The following LYPD6B variants were observed in gnomAD, a reference collection of about 807,000 sequenced individuals.
LYPD6B encodes LY6/PLAUR domain containing 6B.
In LYPD6B, 17 loss-of-function variants were observed where a neutral mutation model predicts 22.8. The ratio of observed to expected loss-of-function variants is 0.75; its 90% confidence interval spans 0.51 to 1.12. The LOEUF (loss-of-function observed/expected upper bound fraction) is 1.12, where lower values mean the gene tolerates loss of function less well. Among genes scored for constraint, LYPD6B ranks in the 50% most tolerant of loss-of-function variants. LYPD6B has a pLI of 0.00. For missense variants in LYPD6B, 221 were observed against 258.3 expected, an observed-to-expected ratio of 0.86 and a Z score of 0.99; for synonymous variants, 106 against 91.6, an observed-to-expected ratio of 1.16 and a Z score of -0.90.
At chr2:149,109,104 C>T (rs560576108) in intron 1 of LYPD6B, among the ~76,000 whole-genome samples, 22 of 152,194 alleles carry the variant, frequency 1.4e-4, no homozygotes, top group African/African-American at 3.9e-4. Flanking sequence ...AAAAATATTA[C>T]GCATTTATCT....
intron 2 of LYPD6B, among the ~76,000 whole-genome samples, chr2:149,147,508 T>A (rs927167581): frequency 6.6e-6 from 1 of 151,912 alleles, no homozygotes; most frequent in Non-Finnish European, 1.5e-5. Flanking sequence ...TTTTTGTTTT[T>A]TGTTTGTTTG....
At chr2:149,042,606 G>A (rs1431111127) in intron 1 of LYPD6B, among the ~76,000 whole-genome samples, 1 of 152,194 alleles carries the variant, frequency 6.6e-6, no homozygotes, top group Non-Finnish European at 1.5e-5. Context: ...TATTTATTGA[G>A]CATCTACTGT....
intron 1 of LYPD6B, among the ~76,000 whole-genome samples, chr2:149,090,774 A>AT (rs1685613844): frequency 6.6e-6 from 1 of 152,168 alleles, no homozygotes; most frequent in South Asian, 2.1e-4. Context: ...AGCAATAAGC[A>AT]TTTGTCTTTA....
intron 3 of LYPD6B, among the ~76,000 whole-genome samples, chr2:149,163,606 A>T (rs1389849321): frequency 1.3e-5 from 2 of 152,182 alleles, no homozygotes; most frequent in Non-Finnish European, 2.9e-5. Context: ...AGATCCTCTC[A>T]TCATATATTT....
intron 2 of LYPD6B, among the ~76,000 whole-genome samples, chr2:149,148,029 A>G (rs1034412178): frequency 1.3e-5 from 2 of 151,958 alleles, no homozygotes; most frequent in East Asian, 3.9e-4. Flanking sequence ...AGATGGCTGT[A>G]GGAACAAGTT....
chr2:149,117,195 A>G (rs1376936486), intron 1 of LYPD6B, among the ~76,000 whole-genome samples: 1 of 151,652 alleles, frequency 6.6e-6, no homozygotes, highest in Non-Finnish European at 1.5e-5. Context: ...ATAGTTTTTA[A>G]TATACTACAT....
chr2:149,151,745 T>C (rs909721738), intron 2 of LYPD6B, among the ~76,000 whole-genome samples: 3 of 152,170 alleles, frequency 2.0e-5, no homozygotes, highest in African/African-American at 7.2e-5. Flanking sequence ...ATTTGGAAAC[T>C]CTCCAGGTGA....
chr2:149,121,716 A>C (rs1012103384), intron 1 of LYPD6B, among the ~76,000 whole-genome samples: 1 of 152,200 alleles, frequency 6.6e-6, no homozygotes, highest in Non-Finnish European at 1.5e-5. Context: ...AGCTGCAGCC[A>C]CAGAGAAGCA....
rs1372403355 is a variant in LYPD6B at position 149,205,323 on chromosome 2, G to A, written c.148G>A (p.Val50Ile). ...CCTCTGTCACGCTCTCGCTATAGCT[G>A]TTGTCCAGATCGTTATCTTCTCAGA... ...LLLCHALAIA[V>I]VQIVIFSESW... Residue 50 changes from valine to isoleucine, a missense_variant, in exon 4 of 7, where the codon GTT (valine) becomes ATT (isoleucine). Physicochemically the swap from Val to Ile is conservative, Grantham distance 29. Transcript: ENST00000409642. The A allele has an allele frequency of 6.2e-7, 1 of 1,614,006 alleles. No homozygotes were observed. Among genetic ancestry groups the A allele is most frequent in the Non-Finnish European group, 8.5e-7 (1 of 1,179,860 alleles).
intron 1 of LYPD6B, among the ~76,000 whole-genome samples, chr2:149,125,358 T>C (rs1687638248): frequency 6.6e-6 from 1 of 152,224 alleles, no homozygotes; most frequent in Non-Finnish European, 1.5e-5. Context: ...CAAAACACTC[T>C]TTCCTCTTCC....
intron 2 of LYPD6B, among the ~76,000 whole-genome samples, chr2:149,131,841 G>A (rs1327613217): frequency 1.3e-5 from 2 of 152,170 alleles, no homozygotes; most frequent in African/African-American, 4.8e-5. Flanking sequence ...AGCTAAAACA[G>A]AATGAGAGGC....
chr2:149,112,753 A>C (rs1686819644), intron 1 of LYPD6B, among the ~76,000 whole-genome samples: 1 of 152,192 alleles, frequency 6.6e-6, no homozygotes, highest in Admixed American at 6.5e-5. Flanking sequence ...AAAAGGGACA[A>C]AAATATTCAT....
chr2:149,134,077 C>A lies in LYPD6B; in HGVS notation c.5+3124C>A, dbSNP rs140789841. Among the ~76,000 whole-genome samples the A allele has an allele frequency of 8.2e-3, 1,242 of 152,046 alleles. 8 individuals carry two copies. Among genetic ancestry groups the A allele is most frequent in the Non-Finnish European group, 0.012 (819 of 67,986 alleles). On this transcript the variant is annotated intron_variant, in intron 2 of 6. Transcript: ENST00000409642. Reference sequence around the variant, plus strand: ...AGGGAAGGGGGCTGGGGAATGCTGGCGGTATTATTTTATGAAGTGTCGTTC... The same window carrying A: ...AGGGAAGGGGGCTGGGGAATGCTGGAGGTATTATTTTATGAAGTGTCGTTC...
At chr2:149,187,294 A>G (rs1692176821) in intron 3 of LYPD6B, 1 of 968,228 alleles carries the variant, frequency 1.0e-6, no homozygotes, top group Non-Finnish European at 1.4e-6. Context: ...TAAGCCCAGA[A>G]TTTGAATAAT....
chr2:149,086,192 A>T (rs1198262808), intron 1 of LYPD6B, among the ~76,000 whole-genome samples: 2 of 152,238 alleles, frequency 1.3e-5, no homozygotes, highest in African/African-American at 4.8e-5. Context: ...ATGTGCATTC[A>T]TGCCAGTGTA....
At chr2:149,173,770 T>C (rs958148193) in intron 3 of LYPD6B, among the ~76,000 whole-genome samples, 5 of 152,228 alleles carry the variant, frequency 3.3e-5, no homozygotes, top group Admixed American at 3.3e-4. Flanking sequence ...CTTTTTTTTC[T>C]GTTTGCTTAC....
chr2:149,107,018 A>C (rs117123374), intron 1 of LYPD6B, among the ~76,000 whole-genome samples: 1 of 152,304 alleles, frequency 6.6e-6, no homozygotes, highest in East Asian at 1.9e-4. Context: ...CATTATACAT[A>C]CGCACCTATG....
At chr2:149,090,973 A>G (rs1383715991) in intron 1 of LYPD6B, among the ~76,000 whole-genome samples, 2 of 152,140 alleles carry the variant, frequency 1.3e-5, no homozygotes, top group African/African-American at 4.8e-5. Flanking sequence ...GTTCTGGTCC[A>G]TTCAAATTAT....
intron 1 of LYPD6B, among the ~76,000 whole-genome samples, chr2:149,106,054 G>T (rs528645592): frequency 5.9e-5 from 9 of 151,936 alleles, no homozygotes; most frequent in Non-Finnish European, 1.2e-4. Flanking sequence ...TAATCATATG[G>T]TTTTTCTTTT....
Sources: gnomAD v4.1 joint callset for allele counts (sites outside exome capture counted in the v4.1 genomes callset) on GRCh38, gnomAD v4.1.1 for gene constraint, MANE v1.5 for transcripts, NCBI Gene and HGNC (gene_info 2026-07-23, HGNC 2026-07-21) for gene names.